The following BMPR1B variants were observed in gnomAD, a reference collection of about 807,000 sequenced individuals.
BMPR1B encodes bone morphogenetic protein receptor type-1B.
In BMPR1B, 12 loss-of-function variants were observed where a neutral mutation model predicts 59.1. That is an observed-to-expected ratio of 0.20 (90% CI 0.13 to 0.33). The LOEUF (loss-of-function observed/expected upper bound fraction) is 0.33. BMPR1B is among the 10% of genes least tolerant of loss of function. The probability of loss-of-function intolerance (pLI) is 1.00; values close to 1 mark genes in which losing one functional copy is unlikely to be tolerated. For synonymous variants in BMPR1B, 237 were observed against 207.3 expected (o/e 1.14, Z -1.23); for missense variants, 550 against 610.9 (o/e 0.90, Z 1.05).
chr4:95,051,806 A>T (rs1478414978), intron 3 of BMPR1B: 1 of 1,528,718 alleles, frequency 6.5e-7, no homozygotes, highest in African/African-American at 1.4e-5. Flanking sequence ...TACAGTGCTG[A>T]TGGGGCTGAG....
In BMPR1B at chr4:94,966,408, A is replaced by C. The variant is rs186889821; in HGVS notation, c.-112-29632A>C. Among the ~76,000 whole-genome samples the C allele has an allele frequency of 2.6e-5, 4 of 152,326 alleles. No individual in the cohort carries two copies. The East Asian group carries it at 7.7e-4, about 29-fold the overall frequency. ...TAGGAACAAAAATAGCATCAGGAAT[A>C]ATTGCAGTGAATGATAGTTCAGTTT... On this transcript the variant is annotated intron_variant, in intron 2 of 12. Transcript: ENST00000515059.
chr4:94,840,018 T>C (rs1172149010), intron 1 of BMPR1B, among the ~76,000 whole-genome samples: 1 of 152,050 alleles, frequency 6.6e-6, no homozygotes, highest in Admixed American at 6.5e-5. Flanking sequence ...CCTTCACTTA[T>C]GAAGCTTAGT....
chr4:94,909,194 C>T (rs1728180772), intron 2 of BMPR1B, among the ~76,000 whole-genome samples: 1 of 151,974 alleles, frequency 6.6e-6, no homozygotes, highest in African/African-American at 2.4e-5. Flanking sequence ...AGTATGACCT[C>T]ATCTTAATGA....
chr4:94,890,312 C>T (rs1449833209), intron 2 of BMPR1B, among the ~76,000 whole-genome samples: 1 of 151,918 alleles, frequency 6.6e-6, no homozygotes, highest in African/African-American at 2.4e-5. Context: ...GAGGTAACCC[C>T]CTCTCCCCCA....
chr4:94,870,242 G>T (rs1726428294), intron 1 of BMPR1B, among the ~76,000 whole-genome samples: 1 of 152,098 alleles, frequency 6.6e-6, no homozygotes, highest in Admixed American at 6.5e-5. Context: ...ACTAAACTTG[G>T]AATGCACTCT....
rs1735294764 is a variant in BMPR1B, at chr4:95,154,778, C to G, written c.*105C>G. On this transcript the variant is annotated 3_prime_UTR_variant, in exon 13 of 13. Transcript: ENST00000515059. ...AAGCATCCACAGTACAAGCCTTGAA[C>G]ATCGTCCTGCTTCCCAGTGGGTTCA... 7 of 1,518,582 alleles carry G rather than the reference C, an allele frequency of 4.6e-6. No individual in the cohort carries two copies. In the Admixed American group the frequency reaches 6.9e-5, roughly 15 times the overall value. 94.1% of individuals were successfully genotyped at this position (1,518,582 alleles called of 1,614,324 possible). A position where few individuals can be genotyped will look rare whatever the true frequency, so the allele number is the denominator to read the frequency against.
chr4:94,961,812 T>A (rs533502925), intron 2 of BMPR1B, among the ~76,000 whole-genome samples: 1 of 152,198 alleles, frequency 6.6e-6, no homozygotes, highest in African/African-American at 2.4e-5. Flanking sequence ...TATTTTTAAT[T>A]TTTATGAATG....
chr4:95,099,049 A>C (rs933562225), intron 3 of BMPR1B, among the ~76,000 whole-genome samples: 1 of 152,156 alleles, frequency 6.6e-6, no homozygotes, highest in Non-Finnish European at 1.5e-5. Context: ...GTGATTGGAA[A>C]TATTGTGACT....
At chr4:94,993,964 A>T (rs1055639709) in intron 2 of BMPR1B, among the ~76,000 whole-genome samples, 2 of 152,196 alleles carry the variant, frequency 1.3e-5, no homozygotes, top group Non-Finnish European at 2.9e-5. Flanking sequence ...GTAGATTTAG[A>T]TGCTATTGAG....
intron 3 of BMPR1B, among the ~76,000 whole-genome samples, chr4:95,074,493 C>A (rs1204258581): frequency 6.6e-6 from 1 of 151,978 alleles, no homozygotes; most frequent in Non-Finnish European, 1.5e-5. Flanking sequence ...TCCTCACTCC[C>A]GATGGGTGGC....
At chr4:94,991,032 C>T (rs1721719401) in intron 2 of BMPR1B, among the ~76,000 whole-genome samples, 1 of 152,132 alleles carries the variant, frequency 6.6e-6, no homozygotes, top group Non-Finnish European at 1.5e-5. Context: ...TTGTGCATTT[C>T]AGTGGTTTTT....
At chr4:94,883,585 T>C (rs1727061710) in intron 2 of BMPR1B, among the ~76,000 whole-genome samples, 1 of 151,806 alleles carries the variant, frequency 6.6e-6, no homozygotes, top group Non-Finnish European at 1.5e-5. Context: ...CTAAAGAGAA[T>C]GTATTTTATA....
chr4:94,816,143 G>T (rs1724000415), intron 1 of BMPR1B, among the ~76,000 whole-genome samples: 1 of 151,956 alleles, frequency 6.6e-6, no homozygotes, highest in Admixed American at 6.6e-5. Context: ...TTTTATGCTA[G>T]AGTTTTTATT....
intron 6 of BMPR1B, among the ~76,000 whole-genome samples, chr4:95,116,605 TTCTCTC>T (rs527394971): frequency 2.0e-5 from 3 of 151,408 alleles, no homozygotes; most frequent in Admixed American, 1.3e-4. Flanking sequence ...TTGTTTTGCT[TTCTCTC>T]TCTCTCTCTC....
At chr4:95,055,678 C>T (rs2149195984) in intron 3 of BMPR1B, among the ~76,000 whole-genome samples, 1 of 152,248 alleles carries the variant, frequency 6.6e-6, no homozygotes, top group African/African-American at 2.4e-5. Flanking sequence ...TTAAGTTCTG[C>T]TCATTAGATT....
intron 2 of BMPR1B, among the ~76,000 whole-genome samples, chr4:94,988,164 A>G (rs1721529226): frequency 6.6e-6 from 1 of 152,076 alleles, no homozygotes; most frequent in Admixed American, 6.5e-5. Flanking sequence ...GCGAATATTT[A>G]TTATTTTAAA....
intron 1 of BMPR1B, among the ~76,000 whole-genome samples, chr4:94,778,384 T>A (rs535321077): frequency 6.6e-6 from 1 of 152,240 alleles, no homozygotes; most frequent in Non-Finnish European, 1.5e-5. Context: ...TTTATGTTTT[T>A]GAAATTCATC....
chr4:95,031,186 A>T (rs1302325992), intron 3 of BMPR1B, among the ~76,000 whole-genome samples: 1 of 152,150 alleles, frequency 6.6e-6, no homozygotes, highest in African/African-American at 2.4e-5. Flanking sequence ...GAGAACAGAA[A>T]CATTTTCTTA....
chr4:94,983,917 C>T (rs1721249184), intron 2 of BMPR1B, among the ~76,000 whole-genome samples: 1 of 152,136 alleles, frequency 6.6e-6, no homozygotes, highest in African/African-American at 2.4e-5. Context: ...AGGCCCATAA[C>T]AGGTACTAAG....
Sources: allele counts gnomAD v4.1 joint callset (sites outside exome capture counted in the v4.1 genomes callset), GRCh38; gene constraint gnomAD v4.1.1; transcripts MANE v1.5; gene names NCBI Gene and HGNC (gene_info 2026-07-23, HGNC 2026-07-21).